CTNNA2: variants seen among roughly 807,000 people sequenced by gnomAD.
CTNNA2 encodes catenin alpha-2.
Under a neutral mutation model 101.0 loss-of-function variants are expected in CTNNA2, and 42 were observed. The observed-to-expected ratio is 0.42, with a 90% CI of 0.32 to 0.54. The LOEUF (loss-of-function observed/expected upper bound fraction) is 0.54, where lower values mean the gene tolerates loss of function less well. Ranked by LOEUF, CTNNA2 falls within the 20% of genes least tolerant of loss-of-function variation. The pLI is 0.14. For synonymous variants in CTNNA2, 450 were observed against 456.4 expected (o/e 0.99, Z 0.18); for missense variants, 871 against 1,223.1 (o/e 0.71, Z 4.29).
At chr2:80,574,123 G>C (rs554674281) in intron 12 of CTNNA2, 40 bp from the exon 13 acceptor site, 1 of 1,586,902 alleles carries the variant, frequency 6.3e-7, no homozygotes, top group South Asian at 1.1e-5. Flanking sequence ...GGTAGTGAGA[G>C]AGAAATTGCC....
chr2:80,203,965 T>C (rs2149022661), intron 7 of CTNNA2, among the ~76,000 whole-genome samples: 1 of 152,308 alleles, frequency 6.6e-6, no homozygotes, highest in East Asian at 1.9e-4. Flanking sequence ...ATGTGGAAGC[T>C]GCCAAGGCTT....
chr2:79,459,267 C>T (rs1670853694), intron 4 of CTNNA2, among the ~76,000 whole-genome samples: 1 of 152,096 alleles, frequency 6.6e-6, no homozygotes, highest in Non-Finnish European at 1.5e-5. Flanking sequence ...TGAACTTCTA[C>T]TCATAGTTCT....
At chr2:79,478,027 A>G (rs964896750) in intron 4 of CTNNA2, among the ~76,000 whole-genome samples, 1 of 152,236 alleles carries the variant, frequency 6.6e-6, no homozygotes, top group African/African-American at 2.4e-5. Context: ...CCAGTCCCAC[A>G]TATTAGTAAA....
At chr2:79,804,751 A>T (rs1676436942) in intron 3 of CTNNA2, among the ~76,000 whole-genome samples, 1 of 152,212 alleles carries the variant, frequency 6.6e-6, no homozygotes, top group African/African-American at 2.4e-5. Flanking sequence ...TGGATTAGAG[A>T]TTGAGAAATA....
intron 3 of CTNNA2, among the ~76,000 whole-genome samples, chr2:79,366,163 T>C (rs953691188): frequency 1.3e-5 from 2 of 152,156 alleles, no homozygotes; most frequent in Non-Finnish European, 2.9e-5. Flanking sequence ...AAGGAGGAGC[T>C]TCCCTTTGAT....
intron 2 of CTNNA2, among the ~76,000 whole-genome samples, chr2:79,218,257 C>A (rs1418814412): frequency 6.6e-6 from 1 of 150,922 alleles, no homozygotes. Context: ...GCACAGGGGT[C>A]CAGTAGAGTC....
intron 4 of CTNNA2, among the ~76,000 whole-genome samples, chr2:79,414,956 A>G (rs1234624875): frequency 2.0e-5 from 3 of 152,120 alleles, no homozygotes; most frequent in Non-Finnish European, 4.4e-5. Flanking sequence ...CAAATACACA[A>G]TGTATTGTTT....
chr2:79,885,247 G>A (rs1007012183), intron 6 of CTNNA2, among the ~76,000 whole-genome samples: 5 of 152,174 alleles, frequency 3.3e-5, no homozygotes, highest in African/African-American at 1.2e-4. Context: ...AGACCTAGGA[G>A]ATCTACACTG....
At chr2:80,326,029 A>G (rs1024095027) in intron 7 of CTNNA2, among the ~76,000 whole-genome samples, 2 of 152,216 alleles carry the variant, frequency 1.3e-5, no homozygotes, top group African/African-American at 4.8e-5. Flanking sequence ...ATAAGCAGAA[A>G]GAAAATCTGG....
chr2:80,631,708 A>C (rs568368270), intron 18 of CTNNA2, among the ~76,000 whole-genome samples: 1 of 152,230 alleles, frequency 6.6e-6, no homozygotes, highest in Non-Finnish European at 1.5e-5. Context: ...CCTTTATTTC[A>C]TCTTTTATTT....
At chr2:80,402,810 A>G (rs11903260) in intron 8 of CTNNA2, among the ~76,000 whole-genome samples, 2,681 of 148,000 alleles carry the variant, frequency 0.018, 79 homozygotes, top group African/African-American at 0.061. Flanking sequence ...ATATTTATAT[A>G]ATTCTATATA....
chr2:80,460,208 C>T (rs1684312385), intron 9 of CTNNA2, among the ~76,000 whole-genome samples: 1 of 152,070 alleles, frequency 6.6e-6, no homozygotes, highest in South Asian at 2.1e-4. Context: ...TGGAAAACTG[C>T]TCTCAATCCA....
At chr2:79,523,053 C>T (rs1672205581) in intron 1 of CTNNA2, among the ~76,000 whole-genome samples, 2 of 152,138 alleles carry the variant, frequency 1.3e-5, no homozygotes, top group South Asian at 4.1e-4. Flanking sequence ...TCAAGTACAG[C>T]TGAGATCATA....
At position 80,054,602 on chromosome 2, in the gene CTNNA2, C is replaced by T. The variant is rs939741399; in HGVS notation, c.1056+144805C>T. Among the ~76,000 whole-genome samples, 4 of 152,272 alleles carry T rather than the reference C, an allele frequency of 2.6e-5. 1 individual carries two copies. The South Asian group carries it at 8.3e-4, about 32-fold the overall frequency. ...ACAGCCAAGTCTACTGGTCCCACCT[C>T]TCCACCCCTTAGGCATAAGGACTAG... On this transcript the variant is annotated intron_variant, in intron 7 of 18. Transcript: ENST00000402739.
At chr2:79,755,625 T>C (rs1168759737) in intron 3 of CTNNA2, among the ~76,000 whole-genome samples, 1 of 152,174 alleles carries the variant, frequency 6.6e-6, no homozygotes, top group African/African-American at 2.4e-5. Context: ...TTGATAAGTC[T>C]AGCCATAACT....
chr2:80,618,215 A>G (rs755127374), intron 17 of CTNNA2, among the ~76,000 whole-genome samples: 1 of 151,874 alleles, frequency 6.6e-6, no homozygotes, highest in East Asian at 1.9e-4. Context: ...GAAATCGTCC[A>G]TGACAAAAAC....
At chr2:79,708,754 A>G (rs1685551146) in intron 2 of CTNNA2, among the ~76,000 whole-genome samples, 1 of 152,150 alleles carries the variant, frequency 6.6e-6, no homozygotes, top group Non-Finnish European at 1.5e-5. Flanking sequence ...TGTCTTTTTA[A>G]TGACAATTTT....
intron 7 of CTNNA2, among the ~76,000 whole-genome samples, chr2:79,951,356 T>A (rs577729465): frequency 1.3e-5 from 2 of 152,276 alleles, no homozygotes; most frequent in East Asian, 3.9e-4. Context: ...ATAATTAAAT[T>A]TACCCCTGCA....
chr2:79,643,890 A>G (rs1351549292), intron 1 of CTNNA2, among the ~76,000 whole-genome samples: 1 of 151,996 alleles, frequency 6.6e-6, no homozygotes, highest in Admixed American at 6.6e-5. Flanking sequence ...CATGCTTTTT[A>G]TGTGGCCCCT....
Sources: gnomAD v4.1 joint callset for allele counts (sites outside exome capture counted in the v4.1 genomes callset) on GRCh38, gnomAD v4.1.1 for gene constraint, MANE v1.5 for transcripts, NCBI Gene and HGNC (gene_info 2026-07-23, HGNC 2026-07-21) for gene names.